The following FRY variants were observed in gnomAD, a reference collection of about 807,000 sequenced individuals.
The protein encoded by FRY is protein furry homolog.
Under a neutral mutation model 348.4 loss-of-function variants are expected in FRY, and 128 were observed. The ratio of observed to expected loss-of-function variants is 0.37; its 90% CI spans 0.32 to 0.43. FRY has a LOEUF of 0.43. Among genes scored for constraint, FRY ranks in the 20% least tolerant of loss-of-function variants. The pLI, the probability that FRY is intolerant of heterozygous loss-of-function variation, is 1.00. For synonymous variants in FRY, 1,370 were observed against 1,374.7 expected, an observed-to-expected ratio of 1.00 and a Z score of 0.08; for missense variants, 2,736 against 3,695.2, an observed-to-expected ratio of 0.74 and a Z score of 6.73.
intron 55 of FRY, among the ~76,000 whole-genome samples, chr13:32,271,647 A>G (rs976359760): frequency 6.6e-6 from 1 of 152,214 alleles, no homozygotes; most frequent in Non-Finnish European, 1.5e-5. Context: ...AGAGAGACCT[A>G]AAGAGAACAA....
At chr13:32,113,941 G>A (rs1038405647) in intron 3 of FRY, among the ~76,000 whole-genome samples, 1 of 152,172 alleles carries the variant, frequency 6.6e-6, no homozygotes, top group African/African-American at 2.4e-5. Context: ...AGTATGCCCA[G>A]TAGATCTAAC....
In FRY at chr13:32,228,659, T is replaced by C. The variant is rs1407236339; in HGVS notation, c.5405+5T>C. ...CATTGAGTTTCTCACGACCAGGTAA[T>C]AAGGGGTTAGGAGTCCGCTGCTGTT... On this transcript the variant is annotated splice_donor_5th_base_variant and intron_variant, in intron 40 of 60. Transcript: ENST00000542859. 1.2e-6 allele frequency: 2 copies of C among 1,613,648 alleles called. No individual in the cohort carries two copies. The highest frequency in any genetic ancestry group is 3.3e-5 in the Admixed American group (2 of 60,008).
rs751239900 is a variant in FRY at position 32,265,591 on chromosome 13, G to A, written c.7921G>A (p.Ala2641Thr). 4 of 1,613,982 alleles carry A rather than the reference G, an allele frequency of 2.5e-6. No individual in the cohort carries two copies. Among genetic ancestry groups the A allele is most frequent in the East Asian group, 4.5e-5 (2 of 44,904 alleles). Residue 2641 changes from alanine to threonine, a missense_variant, in exon 54 of 61, where the codon GCA becomes ACA. Ala to Thr is a moderately conservative substitution (Grantham distance 58). Transcript: ENST00000542859. The stretch of plus-strand genomic sequence containing the variant: ...TGAGGGGGAAGAAAAAGGCAATCGG[G>A]CACTGGACCAGTTTACCCTGGCGAG... ...MTEGEEKGNR[A>T]LDQFTLASFG...
At chr13:32,152,868 A>C (rs1480151947) in intron 14 of FRY, among the ~76,000 whole-genome samples, 1 of 152,200 alleles carries the variant, frequency 6.6e-6, no homozygotes, top group Non-Finnish European at 1.5e-5. Context: ...TATCTGACAA[A>C]TGACTTCCAT....
At chr13:32,085,891 C>T in intron 2 of FRY, 1 of 519,006 alleles carries the variant, frequency 1.9e-6, no homozygotes, top group Non-Finnish European at 3.8e-6. Flanking sequence ...CAGACCTGGT[C>T]TTAGCCCTCC....
intron 1 of FRY, chr13:32,038,634 C>T (rs767261518): frequency 6.6e-5 from 10 of 152,184 alleles, no homozygotes; most frequent in Non-Finnish European, 2.9e-5. Flanking sequence ...CACTGAACTG[C>T]CAGCTATGTG....
intron 1 of FRY, among the ~76,000 whole-genome samples, chr13:32,065,002 A>G (rs1874165373): frequency 6.6e-6 from 1 of 152,230 alleles, no homozygotes; most frequent in Non-Finnish European, 1.5e-5. Flanking sequence ...TTATGCAGAC[A>G]GTTCAGTTAC....
At position 32,294,586 on chromosome 13, in the gene FRY, C is replaced by A. The variant is rs1172817731; in HGVS notation, c.8783+16C>A. On this transcript the variant is annotated intron_variant, in intron 60 of 60. Transcript: ENST00000542859. ...GGGAGTGCAGGTGACTCTGCTATTT[C>A]TTTTAGAGGTGGTTGCAGGAAATGC... The A allele has an allele frequency of 2.5e-6, 4 of 1,599,166 alleles. No individual in the cohort carries two copies. Among genetic ancestry groups the A allele is most frequent in the South Asian group, 1.1e-5 (1 of 90,754 alleles).
intron 2 of FRY, among the ~76,000 whole-genome samples, chr13:32,091,137 A>G (rs771104956): frequency 1.3e-5 from 2 of 152,228 alleles, no homozygotes; most frequent in Non-Finnish European, 2.9e-5. Flanking sequence ...TAATAACTAA[A>G]TGGAATAAAA....
In FRY at chr13:32,179,743, T is replaced by C; in HGVS notation, c.2940T>C (p.Ile980=). The change falls in exon 23 of 61, where the codon ATT becomes ATC. Residue 980 remains isoleucine (I), a synonymous_variant. Coordinates refer to ENST00000542859, the MANE Select transcript of FRY (RefSeq NM_023037.3). ...QLVPLMRLES[I]EITESLVLGF... Reference sequence around the variant, plus strand: ...TGCCTTTGATGAGACTAGAGAGCATTGAGATCACAGAGTCCTTAGTTTTAG... The same window carrying C: ...TGCCTTTGATGAGACTAGAGAGCATCGAGATCACAGAGTCCTTAGTTTTAG... 1 of 1,610,452 alleles carries C rather than the reference T, an allele frequency of 6.2e-7. No individual in the cohort carries two copies. The highest frequency in any genetic ancestry group is 8.5e-7 in the Non-Finnish European group (1 of 1,176,610).
intron 1 of FRY, chr13:32,038,725 C>G (rs1357586335): frequency 6.6e-6 from 1 of 152,138 alleles, no homozygotes; most frequent in African/African-American, 2.4e-5. Context: ...ATGGGCTTTT[C>G]CATAAGACCA....
intron 3 of FRY, among the ~76,000 whole-genome samples, chr13:32,116,010 T>C (rs1320607507): frequency 6.6e-6 from 1 of 152,160 alleles, no homozygotes; most frequent in Non-Finnish European, 1.5e-5. Flanking sequence ...ATGATTTTAA[T>C]GGTTTCAAAA....
chr13:32,175,771 G>T, intron 20 of FRY, 139 bp downstream of exon 20: 1 of 661,010 alleles, frequency 1.5e-6, no homozygotes, highest in Non-Finnish European at 2.8e-6. Flanking sequence ...ATGAAGATAA[G>T]ACTAGTTTTT....
At chr13:32,184,508 C>A in intron 24 of FRY, 92 bp from the exon 25 acceptor site, 1 of 770,172 alleles carries the variant, frequency 1.3e-6, no homozygotes, top group Non-Finnish European at 2.3e-6. Context: ...TTGAAAATGA[C>A]TAGATTATGC....
intron 20 of FRY, among the ~76,000 whole-genome samples, chr13:32,177,588 T>G (rs1303487499): frequency 6.8e-6 from 1 of 147,924 alleles, no homozygotes; most frequent in African/African-American, 2.5e-5. Context: ...AGCAAGACTC[T>G]GTCTCGATAA....
chr13:32,154,423 T>C (rs1880980624), intron 14 of FRY, among the ~76,000 whole-genome samples: 2 of 152,178 alleles, frequency 1.3e-5, no homozygotes, highest in African/African-American at 2.4e-5. Context: ...AATTTTAAAA[T>C]AAATAGAAGT....
At chr13:32,171,304 CTTTTTTT>C (rs71071026) in intron 18 of FRY, 34 bp downstream of exon 18, 769 of 533,084 alleles carry the variant, frequency 1.4e-3, no homozygotes, top group East Asian at 2.3e-3. Context: ...AATTTATATT[CTTTTTTT>C]TTTTTTTTTT....
chr13:32,263,694 AC>A (rs1214436035), intron 53 of FRY, among the ~76,000 whole-genome samples: 36 of 152,346 alleles, frequency 2.4e-4, no homozygotes, highest in African/African-American at 8.7e-4. Context: ...AATGCTAAAA[AC>A]ATATAGATTT....
chr13:32,038,406 T>G (rs1228286556), intron 1 of FRY: 1 of 152,218 alleles, frequency 6.6e-6, no homozygotes, highest in Non-Finnish European at 1.5e-5. Flanking sequence ...TTTTAAACAT[T>G]TAAACATTTA....
Sources: gnomAD v4.1 joint callset for allele counts (sites outside exome capture counted in the v4.1 genomes callset) on GRCh38, gnomAD v4.1.1 for gene constraint, MANE v1.5 for transcripts, NCBI Gene and HGNC (gene_info 2026-07-23, HGNC 2026-07-21) for gene names.